RTTN: variants seen among roughly 807,000 people sequenced by gnomAD.
RTTN encodes rotatin.
A neutral mutation model predicts 269.2 loss-of-function variants in RTTN; 182 were observed. The ratio of observed to expected loss-of-function variants is 0.68; its 90% CI spans 0.60 to 0.76. The LOEUF (loss-of-function observed/expected upper bound fraction) is 0.76, where lower values mean the gene tolerates loss of function less well. Among genes scored for constraint, RTTN ranks in the 30% least tolerant of loss-of-function variants. RTTN has a pLI of 0.00. For missense variants in RTTN, 2,545 were observed against 2,608.6 expected (o/e 0.98, Z 0.53); for synonymous variants, 1,006 against 963.5 (o/e 1.04, Z -0.82).
In RTTN at chr18:70,149,022, C is replaced by G. The variant is rs751708744; in HGVS notation, c.2188G>C (p.Glu730Gln). The change falls in exon 17 of 49, where the codon GAA becomes CAA. Residue 730 changes from glutamate (E) to glutamine (Q), a missense_variant. Glu to Gln is a conservative substitution (Grantham distance 29). Transcript: ENST00000640769. ...AGAATGCAGTTACCCAGAGGATCTTCTGTGTCGGCATAGCCCTAATAGATT... is the reference window on the plus strand; with the variant it reads ...AGAATGCAGTTACCCAGAGGATCTTGTGTGTCGGCATAGCCCTAATAGATT... ...IPILQGYADT[E>Q]DPLGNCILLL... The G allele has an allele frequency of 2.5e-6, 4 of 1,613,322 alleles. No individual in the cohort carries two copies. Among genetic ancestry groups the G allele is most frequent in the Non-Finnish European group, 3.4e-6 (4 of 1,179,458 alleles).
At chr18:70,050,166 T>A (rs2057617370) in intron 39 of RTTN, among the ~76,000 whole-genome samples, 1 of 152,120 alleles carries the variant, frequency 6.6e-6, no homozygotes. Context: ...ATTTTTGTAA[T>A]CTATCCATCT....
Position 70,116,454 on chromosome 18 carries a change from T to G in RTTN, c.3529-1855A>C, listed in dbSNP as rs114528395. ...CTCTTTTCACCTTTGATTTACATGTTAACACTGAAATTCAGTGAACCTCAG... is the reference window on the plus strand; with the variant it reads ...CTCTTTTCACCTTTGATTTACATGTGAACACTGAAATTCAGTGAACCTCAG... On this transcript the variant is annotated intron_variant, in intron 26 of 48. Transcript: ENST00000640769. 5.0e-3 allele frequency among the ~76,000 whole-genome samples: 768 copies of G among 152,142 alleles called. 7 individuals carry two copies. The highest frequency in any genetic ancestry group is 0.017 in the African/African-American group (721 of 41,540).
At chr18:70,143,734 C>A (rs181385238) in intron 18 of RTTN, among the ~76,000 whole-genome samples, 54 of 151,972 alleles carry the variant, frequency 3.6e-4, no homozygotes, top group African/African-American at 1.1e-3. Context: ...CACAGGTACC[C>A]CTGAAACTGA....
At chr18:70,018,837 T>TG (rs1212278783) in intron 45 of RTTN, among the ~76,000 whole-genome samples, 1 of 147,914 alleles carries the variant, frequency 6.8e-6, no homozygotes, top group East Asian at 2.0e-4. Flanking sequence ...TTTTTTTTTT[T>TG]TTTTTTTTTT....
At chr18:70,125,382 A>G (rs2059839617) in intron 25 of RTTN, among the ~76,000 whole-genome samples, 1 of 152,028 alleles carries the variant, frequency 6.6e-6, no homozygotes, top group Admixed American at 6.6e-5. Context: ...AAATGACCTG[A>G]GAGGACAATT....
At chr18:70,174,430 A>C (rs912004143) in intron 11 of RTTN, among the ~76,000 whole-genome samples, 1 of 152,158 alleles carries the variant, frequency 6.6e-6, no homozygotes, top group African/African-American at 2.4e-5. Flanking sequence ...TAATATTTTT[A>C]AATTATGCTT....
intron 14 of RTTN, among the ~76,000 whole-genome samples, chr18:70,161,291 C>T (rs1395811630): frequency 5.9e-5 from 9 of 152,092 alleles, no homozygotes; most frequent in Non-Finnish European, 1.2e-4. Context: ...ACTGGTTAGG[C>T]GTATTCAAAA....
chr18:70,145,729 C>T lies in RTTN; in HGVS notation c.2364G>A (p.Gly788=). The part of the protein sequence containing the change: ...LLAFHLTSEE[G]ADTKRPLIDA... ...CTATTAGAGGACGCTTTGTATCAGCCCCTTCTTCACTGGTAAGATGGAATG... is the reference window on the plus strand; with the variant it reads ...CTATTAGAGGACGCTTTGTATCAGCTCCTTCTTCACTGGTAAGATGGAATG... Residue 788 remains glycine, a synonymous_variant, in exon 18 of 49, where the codon GGG becomes GGA. Coordinates refer to ENST00000640769, the MANE Select transcript of RTTN (RefSeq NM_173630.4). 1 of 1,613,234 alleles carries T rather than the reference C, an allele frequency of 6.2e-7. No individual in the cohort carries two copies. The highest frequency in any genetic ancestry group is 8.5e-7 in the Non-Finnish European group (1 of 1,179,560).
chr18:70,062,049 T>G (rs1014479517), intron 35 of RTTN, among the ~76,000 whole-genome samples: 1 of 152,186 alleles, frequency 6.6e-6, no homozygotes, highest in Non-Finnish European at 1.5e-5. Context: ...CTAATAATAC[T>G]GCAAAAAATA....
At chr18:70,128,027 A>T (rs1389400569) in intron 24 of RTTN, 1 of 443,058 alleles carries the variant, frequency 2.3e-6, no homozygotes, top group African/African-American at 2.0e-5. Context: ...CCATCACACT[A>T]ATGATAACAC....
At chr18:70,049,334 A>G (rs2057587203) in intron 39 of RTTN, among the ~76,000 whole-genome samples, 1 of 152,156 alleles carries the variant, frequency 6.6e-6, no homozygotes. Flanking sequence ...TGATAAACTA[A>G]TTTTCCCCCA....
At chr18:70,084,841 T>C (rs1008221642) in intron 32 of RTTN, among the ~76,000 whole-genome samples, 1 of 152,160 alleles carries the variant, frequency 6.6e-6, no homozygotes, top group Admixed American at 6.5e-5. Context: ...CACTTTTTAG[T>C]AGAAAAGGAT....
intron 25 of RTTN, among the ~76,000 whole-genome samples, chr18:70,125,050 T>C (rs894551959): frequency 1.3e-5 from 2 of 152,068 alleles, no homozygotes; most frequent in Non-Finnish European, 2.9e-5. Context: ...ATTATAATTG[T>C]ATGCTTGTGT....
intron 39 of RTTN, among the ~76,000 whole-genome samples, chr18:70,049,601 T>A (rs973658258): frequency 7.9e-5 from 12 of 152,096 alleles, no homozygotes; most frequent in Admixed American, 6.6e-4. Flanking sequence ...TTAAAAAAAA[T>A]CGGTCAGTTG....
chr18:70,151,524 T>G (rs549378060), intron 14 of RTTN, among the ~76,000 whole-genome samples: 1 of 152,148 alleles, frequency 6.6e-6, no homozygotes, highest in Non-Finnish European at 1.5e-5. Context: ...TTCTACTTCC[T>G]ATTATCAACA....
chr18:70,089,669 G>C (rs919803734), intron 30 of RTTN, among the ~76,000 whole-genome samples: 1 of 152,144 alleles, frequency 6.6e-6, no homozygotes, highest in Non-Finnish European at 1.5e-5. Flanking sequence ...AATGAGGAAA[G>C]TGTTATTTAA....
intron 38 of RTTN, 94 bp downstream of exon 38, chr18:70,054,036 CA>C (rs1331747114): frequency 4.9e-5 from 54 of 1,099,500 alleles, no homozygotes; most frequent in Non-Finnish European, 1.7e-5. Context: ...AAAAGAAACT[CA>C]AAAAGTAACC....
Position 70,006,448 on chromosome 18 carries a change from C to G in RTTN, c.6458G>C (p.Ser2153Thr). ...AATCCTCTGAGCATTTTGATTCTCA[C>G]TTTCCAGACAGGCAGCAAGCACAGT... ...VITVLAACLE[S>T]ENQNAQRIGA... The change falls in exon 47 of 49, where the codon AGT (serine) becomes ACT (threonine). Residue 2153 changes from serine (S) to threonine (T), a missense_variant. By Grantham distance (58) the Ser-to-Thr change is moderately conservative. Coordinates refer to ENST00000640769, the MANE Select transcript of RTTN (RefSeq NM_173630.4). 1.2e-6 allele frequency: 2 copies of G among 1,614,082 alleles called. No individual in the cohort carries two copies. Among genetic ancestry groups the G allele is most frequent in the Non-Finnish European group, 1.7e-6 (2 of 1,179,934 alleles).
chr18:70,109,775 C>T lies in RTTN; in HGVS notation c.3684-58G>A, dbSNP rs997127059. 4 of 1,355,042 alleles carry T rather than the reference C, an allele frequency of 3.0e-6. No homozygotes were observed. The African/African-American group carries it at 4.3e-5, about 15-fold the overall frequency. 83.9% of individuals were successfully genotyped at this position (1,355,042 alleles called of 1,614,324 possible). ...AAGAAAGTATAATGGGCTTAATGGG[C>T]TATCTTACTGGCTATAAAAGGTTAC... On this transcript the variant is annotated intron_variant, in intron 27 of 48. Transcript: ENST00000640769.
Sources: allele counts gnomAD v4.1 joint callset (sites outside exome capture counted in the v4.1 genomes callset), GRCh38; gene constraint gnomAD v4.1.1; transcripts MANE v1.5; gene names NCBI Gene and HGNC (gene_info 2026-07-23, HGNC 2026-07-21).